The following WASL variants were observed in gnomAD, a reference collection of about 807,000 sequenced individuals.
WASL encodes the protein WASP like actin nucleation promoting factor.
In WASL, 20 loss-of-function variants were observed where a neutral mutation model predicts 55.5. The ratio of observed to expected loss-of-function variants is 0.36; its 90% CI spans 0.25 to 0.52. The LOEUF (loss-of-function observed/expected upper bound fraction) is 0.52. Ranked by LOEUF, WASL falls within the 20% of genes least tolerant of loss-of-function variation. The pLI is 0.92. For missense variants in WASL, 504 were observed against 622.5 expected, an observed-to-expected ratio of 0.81 and a Z score of 2.03; for synonymous variants, 249 against 217.6, an observed-to-expected ratio of 1.14 and a Z score of -1.27.
intron 1 of WASL, among the ~76,000 whole-genome samples, chr7:123,712,928 A>G (rs1441258945): frequency 2.0e-5 from 3 of 152,148 alleles, no homozygotes; most frequent in African/African-American, 7.2e-5. Context: ...TCAGAATAAG[A>G]ATTTTAGATC....
At chr7:123,705,815 C>A (rs925989844) in intron 4 of WASL, among the ~76,000 whole-genome samples, 1 of 152,094 alleles carries the variant, frequency 6.6e-6, no homozygotes, top group Admixed American at 6.5e-5. Context: ...GTTTACAGAT[C>A]TTGTTAGCAA....
rs1327343890 is a variant in WASL at position 123,683,288 on chromosome 7, G to A, written c.*1231C>T. On this transcript the variant is annotated 3_prime_UTR_variant, in exon 11 of 11. Coordinates refer to ENST00000223023, the MANE Select transcript of WASL (RefSeq NM_003941.4). ...GAAACAACCACCTTTAGGCAGATTA[G>A]TGTAGTGTAGAGAGGCAAAGAAACC... The A allele has an allele frequency of 6.6e-6, 1 of 151,914 alleles. No homozygotes were observed. Among genetic ancestry groups the A allele is most frequent in the Non-Finnish European group, 1.5e-5 (1 of 67,930 alleles). 9.4% of individuals were successfully genotyped at this position (151,914 alleles called of 1,614,324 possible). A position where few individuals can be genotyped will look rare whatever the true frequency, so the allele number is the denominator to read the frequency against.
At chr7:123,704,305 T>C (rs1474949716) in intron 5 of WASL, among the ~76,000 whole-genome samples, 2 of 152,196 alleles carry the variant, frequency 1.3e-5, no homozygotes. Flanking sequence ...TAAGGTCCGA[T>C]TGTATACTTA....
intron 1 of WASL, among the ~76,000 whole-genome samples, chr7:123,724,935 G>A (rs1804016534): frequency 6.6e-6 from 1 of 151,348 alleles, no homozygotes; most frequent in African/African-American, 2.4e-5. Context: ...GAGAGTTTGG[G>A]GGCAAAAAAA....
At chr7:123,746,805 T>A (rs1804438288) in intron 1 of WASL, among the ~76,000 whole-genome samples, 1 of 152,246 alleles carries the variant, frequency 6.6e-6, no homozygotes, top group African/African-American at 2.4e-5. Context: ...AAACTACAGG[T>A]AAGCACAGAA....
intron 1 of WASL, among the ~76,000 whole-genome samples, chr7:123,731,297 G>T (rs1804132597): frequency 1.3e-5 from 2 of 152,038 alleles, no homozygotes; most frequent in South Asian, 2.1e-4. Flanking sequence ...TAACAATACA[G>T]GTCAAAATAC....
At chr7:123,744,012 CT>C (rs1276982582) in intron 1 of WASL, among the ~76,000 whole-genome samples, 1 of 152,198 alleles carries the variant, frequency 6.6e-6, no homozygotes, top group Non-Finnish European at 1.5e-5. Context: ...TGAATTTTAA[CT>C]TTTATCTTTC....
Position 123,696,644 on chromosome 7 carries a change from C to G in WASL, c.564G>C (p.Lys188Asn), listed in dbSNP as rs147511564. 8.1e-6 allele frequency: 13 copies of G among 1,603,512 alleles called. No individual in the cohort carries two copies. Among genetic ancestry groups the G allele is most frequent in the African/African-American group, 1.3e-5 (1 of 74,414 alleles). The change falls in exon 6 of 11, where the codon AAG (lysine) becomes AAC (asparagine). Residue 188 changes from lysine to asparagine, a missense_variant. Physicochemically the swap from Lys to Asn is moderately conservative, Grantham distance 94. Transcript: ENST00000223023. Reference sequence around the variant, plus strand: ...TCTTCTTTTTAGCTTTTCCCTTCTTCTTTTCTTTGGTATGGGAGATGTTGT... The same window carrying G: ...TCTTCTTTTTAGCTTTTCCCTTCTTGTTTTCTTTGGTATGGGAGATGTTGT... Reference protein sequence around the residue: ...QVNNISHTKEKKKGKAKKKRL... With the variant: ...QVNNISHTKENKKGKAKKKRL...
At chr7:123,718,858 T>C (rs930524758) in intron 1 of WASL, among the ~76,000 whole-genome samples, 4 of 152,244 alleles carry the variant, frequency 2.6e-5, no homozygotes, top group African/African-American at 9.6e-5. Flanking sequence ...TTCCTGGCAA[T>C]TGCCACCCAC....
rs1296667529 is a variant in WASL, at chr7:123,682,501, T to G, written c.*2018A>C. On this transcript the variant is annotated 3_prime_UTR_variant, in exon 11 of 11. Transcript: ENST00000223023. Reference sequence around the variant, plus strand: ...TGCTTTGAACTCGAAGAATGGGTACTCTCTGCTGAGAGAAGTTCCTGATAA... The same window carrying G: ...TGCTTTGAACTCGAAGAATGGGTACGCTCTGCTGAGAGAAGTTCCTGATAA... 3 of 152,138 alleles carry G rather than the reference T, an allele frequency of 2.0e-5. No individual in the cohort carries two copies. The highest frequency in any genetic ancestry group is 4.4e-5 in the Non-Finnish European group (3 of 68,000). The allele number at this position is 152,138 out of a possible 1,614,324, so 9.4% of individuals were successfully genotyped here. A position where few individuals can be genotyped will look rare whatever the true frequency, so the allele number is the denominator to read the frequency against.
chr7:123,710,672 T>A (rs567950932), intron 1 of WASL, among the ~76,000 whole-genome samples: 2 of 152,246 alleles, frequency 1.3e-5, no homozygotes, highest in Admixed American at 1.3e-4. Flanking sequence ...CATACAGTAC[T>A]GAGTAGGACA....
rs1358032001 is a variant in WASL, at chr7:123,706,784, C to T, written c.295G>A (p.Val99Ile). Residue 99 changes from valine (V) to isoleucine (I), a missense_variant, in exon 3 of 11, where the codon GTA becomes ATA. Physicochemically the swap from Val to Ile is conservative, Grantham distance 29. Coordinates refer to ENST00000223023, the MANE Select transcript of WASL (RefSeq NM_003941.4). The part of the protein sequence containing the change: ...LWEQELYNNF[V>I]YNSPRGYFHT... ...AAATATCCTCTAGGACTATTATATA[C>T]AAAGTTATTGTATAGCTCTTGTTCC... 3 of 1,579,754 alleles carry T rather than the reference C, an allele frequency of 1.9e-6. No homozygotes were observed. Among genetic ancestry groups the T allele is most frequent in the South Asian group, 1.2e-5 (1 of 82,774 alleles).
chr7:123,686,215 T>A (rs1430580532), intron 10 of WASL, among the ~76,000 whole-genome samples: 1 of 151,872 alleles, frequency 6.6e-6, no homozygotes, highest in Non-Finnish European at 1.5e-5. Context: ...TATTTATTTA[T>A]TTATTTAAGT....
chr7:123,702,180 C>T (rs879402474), intron 5 of WASL, among the ~76,000 whole-genome samples: 1 of 151,856 alleles, frequency 6.6e-6, no homozygotes, highest in Admixed American at 6.6e-5. Flanking sequence ...CTCAGCCTCC[C>T]GAGTAGCTGG....
chr7:123,746,587 G>C (rs1804434145), intron 1 of WASL, among the ~76,000 whole-genome samples: 1 of 152,132 alleles, frequency 6.6e-6, no homozygotes, highest in African/African-American at 2.4e-5. Flanking sequence ...TATTTGCAAC[G>C]ACTTCATCCC....
chr7:123,718,516 G>C (rs1279586246), intron 1 of WASL, among the ~76,000 whole-genome samples: 1 of 152,132 alleles, frequency 6.6e-6, no homozygotes, highest in Admixed American at 6.5e-5. Flanking sequence ...GAGTGTATCT[G>C]GAAGGAGGAG....
intron 5 of WASL, among the ~76,000 whole-genome samples, chr7:123,700,690 G>A (rs1457717521): frequency 4.6e-5 from 7 of 152,034 alleles, no homozygotes; most frequent in Non-Finnish European, 7.4e-5. Flanking sequence ...CACCTGCCTC[G>A]GCCTCCCAAA....
At chr7:123,690,727 G>A (rs1248966127) in intron 9 of WASL, among the ~76,000 whole-genome samples, 1 of 151,388 alleles carries the variant, frequency 6.6e-6, no homozygotes, top group Non-Finnish European at 1.5e-5. Context: ...AACTTTATTC[G>A]TTAAAAATTT....
rs547045068 is a variant in WASL, at chr7:123,697,757, G to C, written c.461-1010C>G. Among the ~76,000 whole-genome samples, 3 of 152,324 alleles carry C rather than the reference G, an allele frequency of 2.0e-5. No individual in the cohort carries two copies. The East Asian group carries it at 5.8e-4, about 29-fold the overall frequency. Reference sequence around the variant, plus strand: ...AGGTTGGCCCTCAGTTGACCACTTGGGAAGTTGGATTTCAAGAGGGTTCCC... The same window carrying C: ...AGGTTGGCCCTCAGTTGACCACTTGCGAAGTTGGATTTCAAGAGGGTTCCC... On this transcript the variant is annotated intron_variant, in intron 5 of 10. Transcript: ENST00000223023.
Sources: gnomAD v4.1 joint callset for allele counts (sites outside exome capture counted in the v4.1 genomes callset) on GRCh38, gnomAD v4.1.1 for gene constraint, MANE v1.5 for transcripts, NCBI Gene and HGNC (gene_info 2026-07-23, HGNC 2026-07-21) for gene names.